ADHFE1: variants seen among roughly 807,000 people sequenced by gnomAD.
The protein encoded by ADHFE1 is alcohol dehydrogenase iron containing 1, also known as hydroxyacid-oxoacid transhydrogenase, mitochondrial.
A neutral mutation model predicts 54.8 loss-of-function variants in ADHFE1; 37 were observed. The observed-to-expected ratio is 0.68, with a 90% CI of 0.52 to 0.89. The LOEUF is 0.89. Among genes scored for constraint, ADHFE1 ranks in the 40% least tolerant of loss-of-function variants. The pLI is 0.00. For synonymous variants in ADHFE1, 203 were observed against 229.3 expected (o/e 0.89, Z 1.04); for missense variants, 601 against 591.2 (o/e 1.02, Z -0.17).
intron 13 of ADHFE1, among the ~76,000 whole-genome samples, chr8:66,467,044 C>A (rs1453745991): frequency 6.6e-6 from 1 of 152,018 alleles, no homozygotes; most frequent in Non-Finnish European, 1.5e-5. Context: ...ATCACTTTGG[C>A]TGCTGTGGGG....
intron 12 of ADHFE1, among the ~76,000 whole-genome samples, chr8:66,459,220 T>C (rs1248768485): frequency 1.3e-5 from 2 of 152,070 alleles, no homozygotes; most frequent in African/African-American, 4.8e-5. Flanking sequence ...CTACACTCTG[T>C]AGAGGGCTTT....
At chr8:66,446,520 T>C (rs1806032912) in intron 6 of ADHFE1, among the ~76,000 whole-genome samples, 1 of 152,208 alleles carries the variant, frequency 6.6e-6, no homozygotes, top group Non-Finnish European at 1.5e-5. Flanking sequence ...CACACGTGCA[T>C]GATTAACATA....
chr8:66,461,055 A>T (rs1806872072), intron 13 of ADHFE1, among the ~76,000 whole-genome samples: 1 of 152,228 alleles, frequency 6.6e-6, no homozygotes, highest in South Asian at 2.1e-4. Context: ...GTAGAATCAT[A>T]CTAGGTGTAA....
At chr8:66,466,835 C>T (rs895071628) in intron 13 of ADHFE1, among the ~76,000 whole-genome samples, 2 of 152,064 alleles carry the variant, frequency 1.3e-5, no homozygotes, top group Non-Finnish European at 2.9e-5. Context: ...AGGGGAAGGG[C>T]CCTGAGGCAG....
At chr8:66,465,774 A>G (rs1270808175) in intron 13 of ADHFE1, among the ~76,000 whole-genome samples, 2 of 150,514 alleles carry the variant, frequency 1.3e-5, no homozygotes, top group South Asian at 2.1e-4. Context: ...TAATTTTTGT[A>G]TTTTTAGTAG....
In ADHFE1 at chr8:66,452,088, G is replaced by T. The variant is rs201488140; in HGVS notation, c.870G>T (p.Val290=). ...GGGCTATCCACGCGCTGCGGATCGT[G>T]GCTAAGTATCTGAAGAGGTATGTCA... ...DIWAIHALRI[V]AKYLKRAVRN... Residue 290 remains valine (V), a synonymous_variant, in exon 9 of 14, where the codon GTG becomes GTT. Transcript: ENST00000396623. 26 of 1,614,024 alleles carry T rather than the reference G, an allele frequency of 1.6e-5. No individual in the cohort carries two copies. In the South Asian group the frequency reaches 2.5e-4, roughly 16 times the overall value.
chr8:66,453,299 G>A (rs1455519593), intron 9 of ADHFE1, among the ~76,000 whole-genome samples: 1 of 152,160 alleles, frequency 6.6e-6, no homozygotes, highest in Non-Finnish European at 1.5e-5. Context: ...CCACATGAAA[G>A]GAACATTTCA....
chr8:66,457,316 CAA>C (rs34743572), intron 12 of ADHFE1, 150 bp downstream of exon 12: 928 of 413,796 alleles, frequency 2.2e-3, no homozygotes, highest in South Asian at 3.9e-3. Context: ...CCATCTCTAC[CAA>C]AAAAAAAAAA....
chr8:66,441,257 G>T (rs919962915), intron 2 of ADHFE1, among the ~76,000 whole-genome samples: 1 of 152,162 alleles, frequency 6.6e-6, no homozygotes, highest in Non-Finnish European at 1.5e-5. Context: ...CAGAGAGAGA[G>T]ACAGGGTCAC....
At chr8:66,440,030 G>A in intron 1 of ADHFE1, 132 bp from the exon 2 acceptor site, 1 of 903,450 alleles carries the variant, frequency 1.1e-6, no homozygotes, top group Non-Finnish European at 1.7e-6. Context: ...CTATTGTACA[G>A]TGTCTGCCAA....
intron 7 of ADHFE1, among the ~76,000 whole-genome samples, chr8:66,447,709 A>T (rs374258530): frequency 5.9e-5 from 9 of 152,354 alleles, no homozygotes; most frequent in African/African-American, 2.2e-4. Context: ...GTATATATAC[A>T]CATTTTCTTT....
At chr8:66,432,965 A>G (rs564882089) in intron 1 of ADHFE1, 19 of 969,750 alleles carry the variant, frequency 2.0e-5, no homozygotes, top group Non-Finnish European at 2.3e-5. Flanking sequence ...GGATACAAAG[A>G]TGAAAGGCTC....
At position 66,439,186 on chromosome 8, in the gene ADHFE1, A is replaced by G; in HGVS notation, c.60-976A>G. The G allele has an allele frequency of 1.0e-6, 1 of 985,254 alleles. No homozygotes were observed. Among genetic ancestry groups the G allele is most frequent in the Non-Finnish European group, 1.2e-6 (1 of 829,846 alleles). The allele number at this position is 985,254 out of a possible 1,614,324, so 61.0% of individuals were successfully genotyped here. The stretch of plus-strand genomic sequence containing the variant: ...TGAGATCTGGACGGCCACTGAGATC[A>G]ACCCTTTTCCTTCCTCCCCAACCTT... On this transcript the variant is annotated intron_variant, in intron 1 of 13. Transcript: ENST00000396623. The surrounding 1 kb of genome is among the most constrained non-coding windows in gnomAD (Gnocchi z 4.4).
chr8:66,436,147 C>T (rs966695714), intron 1 of ADHFE1, among the ~76,000 whole-genome samples: 2 of 152,148 alleles, frequency 1.3e-5, no homozygotes, highest in East Asian at 1.9e-4. Flanking sequence ...AACTCCTGAC[C>T]TCAGGTGATC....
At chr8:66,448,491 G>A (rs997094428) in intron 7 of ADHFE1, among the ~76,000 whole-genome samples, 1 of 152,202 alleles carries the variant, frequency 6.6e-6, no homozygotes, top group Admixed American at 6.5e-5. Flanking sequence ...GTTGCAGAGC[G>A]AGGACCAGTG....
chr8:66,433,390 T>A (rs1805301829), intron 1 of ADHFE1, among the ~76,000 whole-genome samples: 1 of 152,180 alleles, frequency 6.6e-6, no homozygotes, highest in African/African-American at 2.4e-5. Context: ...AGAAGACGGC[T>A]GATAAAAGAC....
chr8:66,458,415 A>T (rs969191480), intron 12 of ADHFE1, among the ~76,000 whole-genome samples: 1 of 152,172 alleles, frequency 6.6e-6, no homozygotes, highest in Non-Finnish European at 1.5e-5. Flanking sequence ...GAGGGTGCTG[A>T]GGGGAAACAG....
At chr8:66,460,258 A>G (rs1806828675) in intron 12 of ADHFE1, 50 bp from the exon 13 acceptor site, 1 of 1,607,740 alleles carries the variant, frequency 6.2e-7, no homozygotes, top group Non-Finnish European at 8.5e-7. Flanking sequence ...AACTCCACCC[A>G]GAGCCCGTTT....
chr8:66,441,845 G>A (rs566235126), intron 2 of ADHFE1, among the ~76,000 whole-genome samples: 7 of 151,816 alleles, frequency 4.6e-5, no homozygotes, highest in African/African-American at 9.7e-5. Context: ...GGTGGTACAC[G>A]CCTGTAGTCC....
Sources: gnomAD v4.1 joint callset for allele counts (sites outside exome capture counted in the v4.1 genomes callset) on GRCh38, gnomAD v4.1.1 for gene constraint, Gnocchi (gnomAD v3.1) non-coding constraint, MANE v1.5 for transcripts, NCBI Gene and HGNC (gene_info 2026-07-23, HGNC 2026-07-21) for gene names.